KCNQ5: variants seen among roughly 807,000 people sequenced by gnomAD.
KCNQ5 encodes the protein potassium voltage-gated channel subfamily Q member 5, also known as potassium voltage-gated channel subfamily KQT member 5.
Under a neutral mutation model 98.2 loss-of-function variants are expected in KCNQ5, and 30 were observed. The observed-to-expected ratio is 0.31, with a 90% confidence interval of 0.23 to 0.41. The LOEUF is 0.41. KCNQ5 is among the 10% of genes least tolerant of loss of function. The probability of loss-of-function intolerance (pLI) is 1.00; values close to 1 mark genes in which losing one functional copy is unlikely to be tolerated. For missense variants in KCNQ5, 835 were observed against 1,182.5 expected (o/e 0.71, Z 4.31); for synonymous variants, 458 against 449.4 (o/e 1.02, Z -0.24).
intron 1 of KCNQ5, among the ~76,000 whole-genome samples, chr6:72,852,739 A>T (rs2150144165): frequency 6.8e-6 from 1 of 147,724 alleles, no homozygotes; most frequent in African/African-American, 2.5e-5. Flanking sequence ...ATAATTTTTT[A>T]GGAATTTTAT....
At position 72,981,494 on chromosome 6, in the gene KCNQ5, C is replaced by T. The variant is rs544897542; in HGVS notation, c.399-22414C>T. The stretch of plus-strand genomic sequence containing the variant: ...ATGGTAGTTTGTATTTCTGTGGGAT[C>T]GGTGGTGATATCCCCTTTTCATTTT... On this transcript the variant is annotated intron_variant, in intron 1 of 13. Transcript: ENST00000370398. 2.8e-4 allele frequency among the ~76,000 whole-genome samples: 18 copies of T among 63,264 alleles called. No individual in the cohort carries two copies. In the East Asian group the frequency reaches 6.6e-3, roughly 23 times the overall value. The allele number at this position is 63,264 out of a possible 152,430, so 41.5% of individuals were successfully genotyped here.
chr6:72,942,148 G>T (rs528212260), intron 1 of KCNQ5, among the ~76,000 whole-genome samples: 1 of 152,146 alleles, frequency 6.6e-6, no homozygotes, highest in Non-Finnish European at 1.5e-5. Context: ...CTACTGGAGA[G>T]ATTTCAGAGA....
intron 3 of KCNQ5, among the ~76,000 whole-genome samples, chr6:73,073,842 TGC>T (rs1773403465): frequency 6.6e-6 from 1 of 152,216 alleles, no homozygotes; most frequent in Non-Finnish European, 1.5e-5. Flanking sequence ...ATTAACTAAC[TGC>T]ACAGCTTAAG....
At position 73,077,480 on chromosome 6, in the gene KCNQ5, G is replaced by A. The variant is rs1235090679; in HGVS notation, c.775G>A (p.Val259Ile). The change falls in exon 4 of 14, where the codon GTT becomes ATT. Residue 259 changes from valine (V) to isoleucine (I), a missense_variant. By Grantham distance (29) the Val-to-Ile change is conservative. Coordinates refer to ENST00000370398, the MANE Select transcript of KCNQ5 (RefSeq NM_019842.4). ...GGTWKLLGSV[V>I]YAHSKELITA... ...CACTTGGAAATTACTGGGTTCAGTG[G>A]TTTATGCTCACAGCAAGGTAAGATT... 1.9e-6 allele frequency: 3 copies of A among 1,612,326 alleles called. No homozygotes were observed. Among genetic ancestry groups the A allele is most frequent in the Non-Finnish European group, 2.5e-6 (3 of 1,179,612 alleles).
At chr6:72,641,643 T>A (rs1285164725) in intron 1 of KCNQ5, among the ~76,000 whole-genome samples, 1 of 152,082 alleles carries the variant, frequency 6.6e-6, no homozygotes. Flanking sequence ...TAATGTGAAT[T>A]TGGTTCTCCC....
chr6:73,018,723 A>C (rs1770461096), intron 2 of KCNQ5, among the ~76,000 whole-genome samples: 1 of 152,190 alleles, frequency 6.6e-6, no homozygotes, highest in South Asian at 2.1e-4. Flanking sequence ...ATGCAAATAC[A>C]GTCAATCTGC....
In KCNQ5 at chr6:73,072,790, T is replaced by A. The variant is rs574937023; in HGVS notation, c.617-4532T>A. 2.0e-5 allele frequency among the ~76,000 whole-genome samples: 3 copies of A among 152,294 alleles called. No individual in the cohort carries two copies. The East Asian group carries it at 5.8e-4, about 29-fold the overall frequency. On this transcript the variant is annotated intron_variant, in intron 3 of 13. Coordinates refer to ENST00000370398, the MANE Select transcript of KCNQ5 (RefSeq NM_019842.4). The stretch of plus-strand genomic sequence containing the variant: ...TACCTTGTAAACCTATATTTCACAT[T>A]TCTACTGGGCTGCTTATAATCAATA...
At chr6:73,012,378 T>G (rs895622084) in intron 2 of KCNQ5, among the ~76,000 whole-genome samples, 1 of 151,984 alleles carries the variant, frequency 6.6e-6, no homozygotes, top group African/African-American at 2.4e-5. Flanking sequence ...AGAAAAATAA[T>G]GTATGATTCC....
At chr6:72,753,851 G>A (rs985517162) in intron 1 of KCNQ5, among the ~76,000 whole-genome samples, 2 of 151,984 alleles carry the variant, frequency 1.3e-5, no homozygotes, top group Non-Finnish European at 2.9e-5. Context: ...TGAGATGGGT[G>A]TTTTACATAT....
chr6:73,036,313 G>A (rs1771423814), intron 2 of KCNQ5, among the ~76,000 whole-genome samples: 1 of 146,180 alleles, frequency 6.8e-6, no homozygotes, highest in African/African-American at 2.5e-5. Flanking sequence ...ATTAACCAGG[G>A]AGGTGGAGCT....
At chr6:72,917,816 A>G (rs1414893608) in intron 1 of KCNQ5, among the ~76,000 whole-genome samples, 1 of 152,188 alleles carries the variant, frequency 6.6e-6, no homozygotes, top group East Asian at 1.9e-4. Flanking sequence ...AAGGAAGGAC[A>G]TGCCCAAGAA....
intron 3 of KCNQ5, among the ~76,000 whole-genome samples, chr6:73,045,845 C>T (rs1562145555): frequency 6.6e-6 from 1 of 152,074 alleles, no homozygotes; most frequent in East Asian, 1.9e-4. Flanking sequence ...ATTTTTCAGT[C>T]TTGCAGGGAG....
intron 8 of KCNQ5, among the ~76,000 whole-genome samples, chr6:73,121,552 C>T (rs1323512296): frequency 2.0e-5 from 3 of 152,126 alleles, no homozygotes; most frequent in South Asian, 2.1e-4. Flanking sequence ...ATTGCTCATC[C>T]GACATTTGAG....
At chr6:72,653,611 A>G (rs187799692) in intron 1 of KCNQ5, among the ~76,000 whole-genome samples, 1 of 152,238 alleles carries the variant, frequency 6.6e-6, no homozygotes, top group Admixed American at 6.5e-5. Context: ...TTGCAAATAT[A>G]GCATGTTATT....
At chr6:73,103,419 G>A (rs528498244) in intron 5 of KCNQ5, among the ~76,000 whole-genome samples, 3 of 152,024 alleles carry the variant, frequency 2.0e-5, no homozygotes, top group African/African-American at 7.2e-5. Context: ...CTCATTCATA[G>A]GTGGGAATTG....
chr6:72,984,822 T>C (rs1768678169), intron 1 of KCNQ5, among the ~76,000 whole-genome samples: 1 of 152,240 alleles, frequency 6.6e-6, no homozygotes, highest in African/African-American at 2.4e-5. Flanking sequence ...AGACCAGAGC[T>C]GTTGCTATTC....
intron 1 of KCNQ5, among the ~76,000 whole-genome samples, chr6:72,906,587 A>G (rs1344893678): frequency 4.6e-5 from 7 of 152,140 alleles, no homozygotes; most frequent in Non-Finnish European, 2.9e-5. Flanking sequence ...TGCTTCCTCT[A>G]ACCCTGTATT....
At chr6:72,706,643 C>CTTT (rs1769098055) in intron 1 of KCNQ5, among the ~76,000 whole-genome samples, 1 of 152,066 alleles carries the variant, frequency 6.6e-6, no homozygotes, top group Non-Finnish European at 1.5e-5. Context: ...TTACCTTAGT[C>CTTT]AGTTCCTAAT....
intron 1 of KCNQ5, among the ~76,000 whole-genome samples, chr6:72,945,272 C>T (rs189526878): frequency 4.6e-5 from 7 of 151,840 alleles, no homozygotes; most frequent in Middle Eastern, 3.4e-3. Flanking sequence ...TTTTATTATA[C>T]TTTAAGTTTT....
Sources: gnomAD v4.1 joint callset for allele counts (sites outside exome capture counted in the v4.1 genomes callset) on GRCh38, gnomAD v4.1.1 for gene constraint, MANE v1.5 for transcripts, NCBI Gene and HGNC (gene_info 2026-07-23, HGNC 2026-07-21) for gene names.